LMO7: variants seen among roughly 807,000 people sequenced by gnomAD.
LMO7 encodes the protein LIM domain only protein 7.
In LMO7, 120 loss-of-function variants were observed where a neutral mutation model predicts 206.5. That is an observed-to-expected ratio of 0.58 (90% CI 0.50 to 0.68). The LOEUF (loss-of-function observed/expected upper bound fraction) is 0.68. Ranked by LOEUF, LMO7 falls within the 30% of genes least tolerant of loss-of-function variation. The probability of loss-of-function intolerance (pLI) is 0.00; values close to 1 mark genes in which losing one functional copy is unlikely to be tolerated. For synonymous variants in LMO7, 706 were observed against 681.5 expected, an observed-to-expected ratio of 1.04 and a Z score of -0.56; for missense variants, 1,959 against 1,957.9, an observed-to-expected ratio of 1.00 and a Z score of -0.01.
intron 27 of LMO7, among the ~76,000 whole-genome samples, chr13:75,851,322 CA>C (rs2060491042): frequency 6.6e-6 from 1 of 152,194 alleles, no homozygotes; most frequent in South Asian, 2.1e-4. Flanking sequence ...CTGTTAAACA[CA>C]AGCACATTGC....
chr13:75,832,966 G>A (rs781214215), intron 15 of LMO7, 85 bp from the exon 16 acceptor site: 8 of 728,900 alleles, frequency 1.1e-5, no homozygotes, highest in East Asian at 2.5e-5. Flanking sequence ...TACCTAGCGT[G>A]CAGTCTCCCT....
intron 11 of LMO7, among the ~76,000 whole-genome samples, chr13:75,811,023 A>T (rs1335296439): frequency 6.6e-6 from 1 of 152,228 alleles, no homozygotes; most frequent in African/African-American, 2.4e-5. Flanking sequence ...GATTGTCTGT[A>T]AATTGAGACT....
chr13:75,736,205 G>C, intron 3 of LMO7, among the ~76,000 whole-genome samples: 1 of 152,184 alleles, frequency 6.6e-6, no homozygotes, highest in Middle Eastern at 3.4e-3. Flanking sequence ...CTGTGTTTCC[G>C]GTATATTAAA....
chr13:75,705,477 G>C (rs1364221806), intron 1 of LMO7, among the ~76,000 whole-genome samples: 1 of 152,122 alleles, frequency 6.6e-6, no homozygotes, highest in African/African-American at 2.4e-5. Flanking sequence ...AAACAAGAAA[G>C]AGAAGAAAAA....
intron 2 of LMO7, among the ~76,000 whole-genome samples, chr13:75,726,363 C>G (rs554243494): frequency 3.9e-5 from 6 of 152,072 alleles, no homozygotes; most frequent in African/African-American, 1.4e-4. Flanking sequence ...ACATAGATAT[C>G]TTTGCAGTGT....
At chr13:75,693,102 T>C (rs2041622652) in intron 1 of LMO7, among the ~76,000 whole-genome samples, 1 of 152,186 alleles carries the variant, frequency 6.6e-6, no homozygotes. Flanking sequence ...AGCTATAATT[T>C]TGGGTCAAGT....
chr13:75,835,203 A>G (rs376249565), intron 17 of LMO7, 30 bp from the exon 18 acceptor site: 6 of 1,610,966 alleles, frequency 3.7e-6, no homozygotes, highest in African/African-American at 1.3e-5. Flanking sequence ...AAAACCCTCA[A>G]TCTCACCAGT....
intron 4 of LMO7, among the ~76,000 whole-genome samples, chr13:75,781,096 CTTTTTTTTTTT>C (rs367937964): frequency 2.4e-5 from 1 of 41,918 alleles, no homozygotes; most frequent in East Asian, 1.0e-3. Context: ...CTCTATTTTC[CTTTTTTTTTTT>C]TTTTTTTTTT....
intron 11 of LMO7, among the ~76,000 whole-genome samples, chr13:75,813,175 G>A (rs1367318851): frequency 1.3e-5 from 2 of 152,158 alleles, no homozygotes; most frequent in Non-Finnish European, 1.5e-5. Flanking sequence ...ATAAGGGAGG[G>A]AAGAATTCTT....
chr13:75,697,364 A>G lies in LMO7; in HGVS notation c.70-15818A>G, dbSNP rs1404345161. 2.0e-5 allele frequency among the ~76,000 whole-genome samples: 3 copies of G among 152,180 alleles called. No homozygotes were observed. In the East Asian group the frequency reaches 5.8e-4, roughly 29 times the overall value. Reference sequence around the variant, plus strand: ...ACATGGCTGGGGAGGCCTCACAATCATGGTGGAAGATGAAGGATGAGCAAA... The same window carrying G: ...ACATGGCTGGGGAGGCCTCACAATCGTGGTGGAAGATGAAGGATGAGCAAA... On this transcript the variant is annotated intron_variant, in intron 1 of 30. Coordinates refer to ENST00000377534, the MANE Select transcript of LMO7 (RefSeq NM_001306080.2).
At chr13:75,822,085 T>TTA (rs932752325) in intron 14 of LMO7, among the ~76,000 whole-genome samples, 3 of 152,312 alleles carry the variant, frequency 2.0e-5, no homozygotes, top group East Asian at 1.9e-4. Flanking sequence ...TATCTTACGT[T>TTA]TATATATATG....
intron 11 of LMO7, among the ~76,000 whole-genome samples, chr13:75,815,131 G>A (rs566484464): frequency 1.8e-4 from 28 of 152,262 alleles, no homozygotes; most frequent in Admixed American, 1.8e-3. Context: ...GGTGGAAGCA[G>A]GGAGACTGTT....
chr13:75,855,599 G>A (rs1041838101), intron 29 of LMO7, among the ~76,000 whole-genome samples: 2 of 152,134 alleles, frequency 1.3e-5, no homozygotes, highest in South Asian at 4.1e-4. Flanking sequence ...TAATCTGTTA[G>A]AATTCTATAC....
At chr13:75,823,909 A>G in intron 15 of LMO7, 36 bp downstream of exon 15, 1 of 1,533,088 alleles carries the variant, frequency 6.5e-7, no homozygotes, top group Non-Finnish European at 9.0e-7. Flanking sequence ...TCTGTGGCTC[A>G]GACACTTACA....
chr13:75,795,427 A>G lies in LMO7; in HGVS notation c.344A>G (p.Lys115Arg). The G allele has an allele frequency of 6.3e-7, 1 of 1,589,098 alleles. No individual in the cohort carries two copies. Among genetic ancestry groups the G allele is most frequent in the Non-Finnish European group, 8.6e-7 (1 of 1,161,694 alleles). Residue 115 changes from lysine to arginine, a missense_variant, in exon 5 of 31, where the codon AAA (lysine) becomes AGA (arginine). Coordinates refer to ENST00000377534, the MANE Select transcript of LMO7 (RefSeq NM_001306080.2). Reference sequence around the variant, plus strand: ...CAAGAAGAGACTGACAGGAGAGTGAAAAATGTAAGATACATTTACCTTAAT... The same window carrying G: ...CAAGAAGAGACTGACAGGAGAGTGAGAAATGTAAGATACATTTACCTTAAT... ...VKQEETDRRV[K>R]NVLITLYWLG...
Position 75,804,437 on chromosome 13 carries a change from C to T in LMO7, c.810C>T (p.Ser270=), listed in dbSNP as rs906661690. 1 of 1,614,136 alleles carries T rather than the reference C, an allele frequency of 6.2e-7. No individual in the cohort carries two copies. The highest frequency in any genetic ancestry group is 8.5e-7 in the Non-Finnish European group (1 of 1,180,002). ...RFLPNKSRQP[S]YVPAPLRKKK... ...TACCCAACAAAAGTAGACAGCCATC[C>T]TATGTACCAGCACCTCTGAGAAAGA... Residue 270 remains serine (S), a synonymous_variant, in exon 8 of 31, where the codon TCC becomes TCT. Coordinates refer to ENST00000377534, the MANE Select transcript of LMO7 (RefSeq NM_001306080.2).
intron 14 of LMO7, among the ~76,000 whole-genome samples, chr13:75,823,205 G>A (rs1348437392): frequency 6.6e-6 from 1 of 152,038 alleles, no homozygotes; most frequent in Non-Finnish European, 1.5e-5. Context: ...CTTGTTTAGA[G>A]GTTAGAGTTA....
At chr13:75,675,799 T>C (rs1306506373) in intron 1 of LMO7, among the ~76,000 whole-genome samples, 1 of 152,180 alleles carries the variant, frequency 6.6e-6, no homozygotes, top group Non-Finnish European at 1.5e-5. Context: ...TGAGACATGA[T>C]GCTTGTAAAA....
chr13:75,830,719 G>GGACA (rs1450554703), intron 15 of LMO7, among the ~76,000 whole-genome samples: 3 of 152,174 alleles, frequency 2.0e-5, no homozygotes, highest in African/African-American at 2.4e-5. Flanking sequence ...TCATGAGATA[G>GGACA]TATGTCCAAT....
Sources: gnomAD v4.1 joint callset for allele counts (sites outside exome capture counted in the v4.1 genomes callset) on GRCh38, gnomAD v4.1.1 for gene constraint, MANE v1.5 for transcripts, NCBI Gene and HGNC (gene_info 2026-07-23, HGNC 2026-07-21) for gene names.